CCSER2: variants seen among roughly 807,000 people sequenced by gnomAD.
CCSER2 encodes serine-rich coiled-coil domain-containing protein 2.
CCSER2 carries 46 observed loss-of-function variants against 92.3 expected under a neutral mutation model. The observed-to-expected ratio is 0.50, with a 90% confidence interval of 0.39 to 0.64. The LOEUF (loss-of-function observed/expected upper bound fraction) is 0.64, where lower values mean the gene tolerates loss of function less well. Among genes scored for constraint, CCSER2 ranks in the 30% least tolerant of loss-of-function variants. The pLI, the probability that CCSER2 is intolerant of heterozygous loss-of-function variation, is 0.00. For missense variants in CCSER2, 1,244 were observed against 1,238.9 expected (o/e 1.00, Z -0.06); for synonymous variants, 433 against 431.4 (o/e 1.00, Z -0.04).
At chr10:84,375,850 TC>T (rs1408381255) in intron 3 of CCSER2, among the ~76,000 whole-genome samples, 1 of 151,232 alleles carries the variant, frequency 6.6e-6, no homozygotes, top group Non-Finnish European at 1.5e-5. Context: ...GCTTTTTTTT[TC>T]TGTTTCTTTT....
At chr10:84,353,470 TG>T (rs1487377484) in intron 1 of CCSER2, among the ~76,000 whole-genome samples, 1 of 152,242 alleles carries the variant, frequency 6.6e-6, no homozygotes, top group African/African-American at 2.4e-5. Context: ...CTTATGTTTT[TG>T]AAATTACTTG....
intron 6 of CCSER2, among the ~76,000 whole-genome samples, chr10:84,450,720 C>T (rs905132670): frequency 5.3e-5 from 8 of 152,100 alleles, no homozygotes; most frequent in African/African-American, 7.2e-5. Context: ...AAACCATTTA[C>T]GTTCTGTGGG....
rs928992493 is a variant in CCSER2, at chr10:84,391,364, G to A, written c.1614+17549G>A. 4.9e-6 allele frequency: 7 copies of A among 1,439,822 alleles called. No individual in the cohort carries two copies. The East Asian group carries it at 1.6e-4, about 33-fold the overall frequency. 89.2% of individuals were successfully genotyped at this position (1,439,822 alleles called of 1,614,324 possible). ...TGGAGGCAACATTGAACAGCTGGTA[G>A]CCCAAAGTAACATCCTAACACTAAT... On this transcript the variant is annotated intron_variant, in intron 3 of 9. Transcript: ENST00000372088.
rs1847627480 is a variant in CCSER2, at chr10:84,483,973, AT to A, written c.2325+6310del. Among the ~76,000 whole-genome samples the A allele has an allele frequency of 1.9e-4, 9 of 48,176 alleles. No homozygotes were observed. The South Asian group carries it at 7.0e-3, about 37-fold the overall frequency. The allele number at this position is 48,176 out of a possible 152,430, so 31.6% of individuals were successfully genotyped here. On this transcript the variant is annotated intron_variant, in intron 9 of 9. Coordinates refer to ENST00000372088, the MANE Select transcript of CCSER2 (RefSeq NM_001284240.2). The stretch of plus-strand genomic sequence containing the variant: ...CTAATTTATATATATATATATATAT[AT>A]ATATATATATATATATATATATAAT...
intron 3 of CCSER2, among the ~76,000 whole-genome samples, chr10:84,403,446 A>C (rs928058513): frequency 3.9e-5 from 6 of 152,220 alleles, no homozygotes; most frequent in African/African-American, 1.4e-4. Flanking sequence ...AACCTCATTA[A>C]AAGAAAAAAT....
intron 4 of CCSER2, among the ~76,000 whole-genome samples, chr10:84,422,477 A>G (rs967872272): frequency 7.2e-5 from 11 of 152,198 alleles, no homozygotes; most frequent in Non-Finnish European, 1.3e-4. Flanking sequence ...TACTTTGCTA[A>G]TCACACTTTT....
At chr10:84,392,228 G>A (rs898895198) in intron 3 of CCSER2, among the ~76,000 whole-genome samples, 7 of 150,334 alleles carry the variant, frequency 4.7e-5, no homozygotes, top group African/African-American at 1.7e-4. Flanking sequence ...CACTGTATTA[G>A]GTTGATGTTG....
intron 7 of CCSER2, among the ~76,000 whole-genome samples, chr10:84,465,394 GGCTCACT>G (rs1230339047): frequency 7.0e-6 from 1 of 143,042 alleles, no homozygotes; most frequent in Admixed American, 7.5e-5. Context: ...GCGCAATCTC[GGCTCACT>G]GCAGCCTCGG....
In CCSER2 at chr10:84,482,669, T is replaced by A. The variant is rs149466901; in HGVS notation, c.2325+5005T>A. Among the ~76,000 whole-genome samples the A allele has an allele frequency of 9.3e-3, 1,421 of 152,214 alleles. 9 individuals are homozygous for A. The highest frequency in any genetic ancestry group is 0.014 in the Middle Eastern group (4 of 294). On this transcript the variant is annotated intron_variant, in intron 9 of 9. Coordinates refer to ENST00000372088, the MANE Select transcript of CCSER2 (RefSeq NM_001284240.2). ...AAGTTAACCAGAGAAGCCAAAATAT[T>A]AGAAAAAAGAAACATTTCTGGACTC... is the stretch of plus-strand genomic sequence containing the variant.
intron 9 of CCSER2, among the ~76,000 whole-genome samples, chr10:84,503,670 C>T (rs2131851580): frequency 6.6e-6 from 1 of 152,280 alleles, no homozygotes; most frequent in African/African-American, 2.4e-5. Flanking sequence ...CTATTTCTTA[C>T]TGTGTCTAAC....
chr10:84,453,621 TCTTG>T (rs1171110454), intron 6 of CCSER2, among the ~76,000 whole-genome samples: 1 of 152,240 alleles, frequency 6.6e-6, no homozygotes, highest in African/African-American at 2.4e-5. Flanking sequence ...ACTATTTATA[TCTTG>T]CTTATCCTTA....
intron 3 of CCSER2, among the ~76,000 whole-genome samples, chr10:84,412,620 A>G (rs553483611): frequency 6.6e-6 from 1 of 152,232 alleles, no homozygotes; most frequent in African/African-American, 2.4e-5. Flanking sequence ...TGAGAGAGAA[A>G]GTGGGACCAG....
intron 9 of CCSER2, among the ~76,000 whole-genome samples, chr10:84,490,329 G>A (rs899765018): frequency 6.6e-6 from 1 of 152,178 alleles, no homozygotes; most frequent in Admixed American, 6.5e-5. Flanking sequence ...ATATCTTGCA[G>A]GGTGTTTTCC....
intron 3 of CCSER2, 88 bp downstream of exon 3, chr10:84,373,903 TG>T (rs1564611089): frequency 6.4e-7 from 1 of 1,562,618 alleles, no homozygotes; most frequent in African/African-American, 1.4e-5. Context: ...AAAAAATTTA[TG>T]AATTAACTTT....
At chr10:84,365,125 A>AG (rs1293412544) in intron 1 of CCSER2, among the ~76,000 whole-genome samples, 2 of 152,170 alleles carry the variant, frequency 1.3e-5, no homozygotes, top group African/African-American at 4.8e-5. Context: ...CTAAAAAAAA[A>AG]CTGACATTTT....
At chr10:84,472,775 G>A (rs999079644) in intron 8 of CCSER2, among the ~76,000 whole-genome samples, 3 of 152,048 alleles carry the variant, frequency 2.0e-5, no homozygotes, top group Admixed American at 1.3e-4. Context: ...ACCTCAGAAT[G>A]TATCTTTAAA....
At chr10:84,476,690 G>T (rs749475920) in intron 8 of CCSER2, among the ~76,000 whole-genome samples, 1 of 152,006 alleles carries the variant, frequency 6.6e-6, no homozygotes. Flanking sequence ...TGATCCGCCC[G>T]CCTCGGCCTC....
chr10:84,468,225 C>G (rs1378589474), intron 7 of CCSER2, among the ~76,000 whole-genome samples: 1 of 152,194 alleles, frequency 6.6e-6, no homozygotes, highest in Non-Finnish European at 1.5e-5. Flanking sequence ...TCCAAGCCTA[C>G]CACACTCCTC....
chr10:84,394,331 A>G (rs1841699760), intron 3 of CCSER2, among the ~76,000 whole-genome samples: 1 of 151,850 alleles, frequency 6.6e-6, no homozygotes, highest in Non-Finnish European at 1.5e-5. Flanking sequence ...TGATCGTAGT[A>G]TGAATTTATA....
Sources: gnomAD v4.1 joint callset for allele counts (sites outside exome capture counted in the v4.1 genomes callset) on GRCh38, gnomAD v4.1.1 for gene constraint, MANE v1.5 for transcripts, NCBI Gene and HGNC (gene_info 2026-07-23, HGNC 2026-07-21) for gene names.